PFKFB2: variants seen among roughly 807,000 people sequenced by gnomAD.
PFKFB2 encodes the protein 6-phosphofructo-2-kinase/fructose-2,6-bisphosphatase 2.
A neutral mutation model predicts 68.0 loss-of-function variants in PFKFB2; 53 were observed. That is an observed-to-expected ratio of 0.78 (90% CI 0.63 to 0.98). The LOEUF (loss-of-function observed/expected upper bound fraction) is 0.98, where lower values mean the gene tolerates loss of function less well. Among genes scored for constraint, PFKFB2 ranks in the 50% least tolerant of loss-of-function variants. The pLI is 0.00. For missense variants in PFKFB2, 451 were observed against 642.0 expected, an observed-to-expected ratio of 0.70 and a Z score of 3.22; for synonymous variants, 222 against 227.6, an observed-to-expected ratio of 0.98 and a Z score of 0.22.
chr1:207,077,182 GTTCAT>G lies in PFKFB2; in HGVS notation c.*4815_*4819del. The stretch of plus-strand genomic sequence containing the variant: ...TTTAGGGCAGGACTTCAGTTCCACT[GTTCAT>G]TTCTGAAGCTTCTGTGTCCCCAGCT... On this transcript the variant is annotated 3_prime_UTR_variant, in exon 15 of 15. Coordinates refer to ENST00000367080, the MANE Select transcript of PFKFB2 (RefSeq NM_006212.2). 1 of 982,584 alleles carries G rather than the reference GTTCAT, an allele frequency of 1.0e-6. No homozygotes were observed. The highest frequency in any genetic ancestry group is 1.2e-6 in the Non-Finnish European group (1 of 829,890). 60.9% of individuals were successfully genotyped at this position (982,584 alleles called of 1,614,324 possible).
intron 2 of PFKFB2, 61 bp from the exon 3 acceptor site, chr1:207,061,892 C>A (rs1458306513): frequency 2.0e-5 from 30 of 1,473,486 alleles, no homozygotes; most frequent in Non-Finnish European, 2.8e-5. Flanking sequence ...AAAAAACAAA[C>A]ACCAAAAAAC....
intron 1 of PFKFB2, among the ~76,000 whole-genome samples, chr1:207,038,472 C>A (rs1174168243): frequency 6.6e-6 from 1 of 152,180 alleles, no homozygotes; most frequent in African/African-American, 2.4e-5. Context: ...CATACTGTGA[C>A]CAGACTGGTC....
chr1:207,043,966 TAA>T (rs955750184), intron 2 of PFKFB2: 1 of 152,592 alleles, frequency 6.6e-6, no homozygotes, highest in African/African-American at 2.4e-5. Flanking sequence ...CAAAATCACA[TAA>T]GAGTTGTAGA....
rs752085774 is a variant in PFKFB2, at chr1:207,067,607, C to G, written c.741C>G (p.Val247=). The G allele has an allele frequency of 6.2e-7, 1 of 1,613,964 alleles. No homozygotes were observed. Among genetic ancestry groups the G allele is most frequent in the Non-Finnish European group, 8.5e-7 (1 of 1,179,972 alleles). ...TCTACTACCTCATGAATATCCACGT[C>G]CAGCCTCGCACCATTTACCTTTGCC... ...KIVYYLMNIH[V]QPRTIYLCRH... Residue 247 remains valine (V), a synonymous_variant, in exon 9 of 15, where the codon GTC becomes GTG. Coordinates refer to ENST00000367080, the MANE Select transcript of PFKFB2 (RefSeq NM_006212.2).
chr1:207,059,665 C>T (rs916131283), intron 2 of PFKFB2, among the ~76,000 whole-genome samples: 1 of 152,162 alleles, frequency 6.6e-6, no homozygotes, highest in Non-Finnish European at 1.5e-5. Flanking sequence ...GCCAAGCCCT[C>T]TGACCCCAGG....
chr1:207,069,284 T>A, intron 10 of PFKFB2, 140 bp from the exon 11 acceptor site: 1 of 582,720 alleles, frequency 1.7e-6, no homozygotes, highest in Non-Finnish European at 3.1e-6. Flanking sequence ...CACAGGCAGC[T>A]GCAATACATG....
In PFKFB2 at chr1:207,077,636, A is replaced by G; in HGVS notation, c.*5265A>G. On this transcript the variant is annotated 3_prime_UTR_variant, in exon 15 of 15. Transcript: ENST00000367080. ...AAGAGAGTTCTACTGTAGATTTCCT[A>G]GGCACTGCTCTGTTGAAATAGGAAC... 1.0e-6 allele frequency: 1 copy of G among 985,750 alleles called. No homozygotes were observed. The highest frequency in any genetic ancestry group is 1.2e-6 in the Non-Finnish European group (1 of 829,850). The allele number at this position is 985,750 out of a possible 1,614,324, so 61.1% of individuals were successfully genotyped here.
At chr1:207,068,610 GC>G (rs1683371334) in intron 10 of PFKFB2, among the ~76,000 whole-genome samples, 1 of 152,076 alleles carries the variant, frequency 6.6e-6, no homozygotes, top group South Asian at 2.1e-4. Context: ...TTGTATATTT[GC>G]CTCCTGGGAA....
intron 12 of PFKFB2, 152 bp from the exon 13 acceptor site, chr1:207,071,036 T>C (rs1265258801): frequency 3.1e-6 from 2 of 643,272 alleles, no homozygotes; most frequent in Non-Finnish European, 5.5e-6. Flanking sequence ...GGTGGCTTTG[T>C]GGTCTGGGGT....
Position 207,073,541 on chromosome 1 carries a change from T to A in PFKFB2, c.*1170T>A. On this transcript the variant is annotated 3_prime_UTR_variant, in exon 15 of 15. Transcript: ENST00000367080. ...ACATCAAAACAAAATAGTTTTTACA[T>A]GACCATTTTTTTCCCAAATGTGGAA... 1 of 984,870 alleles carries A rather than the reference T, an allele frequency of 1.0e-6. No homozygotes were observed. Among genetic ancestry groups the A allele is most frequent in the Non-Finnish European group, 1.2e-6 (1 of 829,394 alleles). The allele number at this position is 984,870 out of a possible 1,614,324, so 61.0% of individuals were successfully genotyped here. A position where few individuals can be genotyped will look rare whatever the true frequency, so the allele number is the denominator to read the frequency against.
upstream of PFKFB2, chr1:207,052,426 C>T: frequency 2.0e-6 from 1 of 508,648 alleles, no homozygotes; most frequent in Non-Finnish European, 3.5e-6. Context: ...CTTTGGGAGG[C>T]CGAGGCGGGT....
In PFKFB2 at chr1:207,062,654, C is replaced by T; in HGVS notation, c.246C>T (p.Val82=). The part of the protein sequence containing the change: ...FNLGVYRREA[V]KSYKSYDFFR... ...TTGGGGTGTATCGGCGTGAAGCAGT[C>T]AAGTCCTATAAGTCCTACGACTTCT... Residue 82 remains valine, a synonymous_variant, in exon 4 of 15, where the codon GTC becomes GTT. Transcript: ENST00000367080. 3 of 1,614,116 alleles carry T rather than the reference C, an allele frequency of 1.9e-6. No homozygotes were observed. Among genetic ancestry groups the T allele is most frequent in the Non-Finnish European group, 2.5e-6 (3 of 1,179,982 alleles).
At chr1:207,038,959 T>C (rs1316543179) in intron 1 of PFKFB2, among the ~76,000 whole-genome samples, 1 of 152,230 alleles carries the variant, frequency 6.6e-6, no homozygotes, top group African/African-American at 2.4e-5. Context: ...TGACACCATA[T>C]TTTGCAATAA....
At chr1:207,079,404 T>G (rs560916102), downstream of PFKFB2, 1 of 247,346 alleles carries the variant, frequency 4.0e-6, no homozygotes, top group Admixed American at 5.1e-5. Flanking sequence ...GATTTACTTT[T>G]CAAGTGAGAA....
chr1:207,076,226 A>G lies in PFKFB2; in HGVS notation c.*3855A>G. On this transcript the variant is annotated 3_prime_UTR_variant, in exon 15 of 15. Transcript: ENST00000367080. ...ACATATGATATAGCTGTTTGGAAAT[A>G]AATTCATCTATGTTACTTTTTTTTT... 1 of 979,642 alleles carries G rather than the reference A, an allele frequency of 1.0e-6. No homozygotes were observed. Among genetic ancestry groups the G allele is most frequent in the Non-Finnish European group, 1.2e-6 (1 of 824,758 alleles). The allele number at this position is 979,642 out of a possible 1,614,324, so 60.7% of individuals were successfully genotyped here.
At chr1:207,051,028 C>A (rs756347464), upstream of PFKFB2, 1 of 1,503,740 alleles carries the variant, frequency 6.7e-7, no homozygotes, top group South Asian at 1.2e-5. Context: ...CGGGGCCAAA[C>A]ATCGCGAGAA....
At chr1:207,079,139 C>A, downstream of PFKFB2, 1 of 805,280 alleles carries the variant, frequency 1.2e-6, no homozygotes, top group Non-Finnish European at 2.1e-6. Flanking sequence ...TGGGGGCCAC[C>A]AAAACGAGGC....
upstream of PFKFB2, chr1:207,049,527 A>C: frequency 6.2e-7 from 1 of 1,614,168 alleles, no homozygotes; most frequent in Non-Finnish European, 8.5e-7. Flanking sequence ...GTCTCATCTC[A>C]GGGGCACAAG....
At position 207,074,487 on chromosome 1, in the gene PFKFB2, A is replaced by T. The variant is rs1283650825; in HGVS notation, c.*2116A>T. On this transcript the variant is annotated 3_prime_UTR_variant, in exon 15 of 15. Transcript: ENST00000367080. Reference sequence around the variant, plus strand: ...GGAGAGAGGTGCAGACCCTGCCAGGATGATAAAGGTTGTCATCACTGGCAA... The same window carrying T: ...GGAGAGAGGTGCAGACCCTGCCAGGTTGATAAAGGTTGTCATCACTGGCAA... The T allele has an allele frequency of 3.0e-5, 30 of 985,200 alleles. No homozygotes were observed. Among genetic ancestry groups the T allele is most frequent in the Admixed American group, 6.2e-5 (1 of 16,260 alleles). The allele number at this position is 985,200 out of a possible 1,614,324, so 61.0% of individuals were successfully genotyped here.
Sources: allele counts gnomAD v4.1 joint callset (sites outside exome capture counted in the v4.1 genomes callset), GRCh38; gene constraint gnomAD v4.1.1; transcripts MANE v1.5; gene names NCBI Gene and HGNC (gene_info 2026-07-23, HGNC 2026-07-21).